Variants in KCNU1 observed in about 807,000 individuals in gnomAD.
KCNU1 encodes the protein potassium calcium-activated channel subfamily U member 1.
KCNU1 carries 93 observed loss-of-function variants against 126.8 expected under a neutral mutation model. The observed-to-expected ratio is 0.73, with a 90% CI of 0.62 to 0.87. KCNU1 has a LOEUF of 0.87. Among genes scored for constraint, KCNU1 ranks in the 40% least tolerant of loss-of-function variants. The probability of loss-of-function intolerance (pLI) is 0.00; values close to 1 mark genes in which losing one functional copy is unlikely to be tolerated. For missense variants in KCNU1, 1,330 were observed against 1,367.1 expected (o/e 0.97, Z 0.43); for synonymous variants, 523 against 494.2 (o/e 1.06, Z -0.77).
chr8:36,911,974 T>G (rs1260794299), intron 22 of KCNU1, among the ~76,000 whole-genome samples: 3 of 152,208 alleles, frequency 2.0e-5, no homozygotes, highest in Non-Finnish European at 1.5e-5. Context: ...AATCTAAAAG[T>G]ACTATTACTG....
chr8:36,803,802 T>C (rs1033519438), intron 2 of KCNU1, among the ~76,000 whole-genome samples: 9 of 152,112 alleles, frequency 5.9e-5, no homozygotes, highest in Non-Finnish European at 1.2e-4. Context: ...ATTAGATAAG[T>C]AAAATGGGTA....
chr8:36,921,711 ATC>A (rs1183838728), intron 23 of KCNU1, among the ~76,000 whole-genome samples: 3 of 151,380 alleles, frequency 2.0e-5, no homozygotes, highest in Non-Finnish European at 2.9e-5. Context: ...CAGCCTGTGC[ATC>A]TCTTCTCACG....
At chr8:36,919,021 T>G in intron 23 of KCNU1, 124 bp downstream of exon 23, 1 of 676,216 alleles carries the variant, frequency 1.5e-6, no homozygotes. Context: ...CTCAGAGCTT[T>G]AAGTGCTTGC....
chr8:36,928,136 G>A (rs771451969), intron 24 of KCNU1, among the ~76,000 whole-genome samples: 17 of 151,974 alleles, frequency 1.1e-4, no homozygotes, highest in African/African-American at 3.6e-4. Flanking sequence ...ACAGAACATG[G>A]GTGACATGTA....
At chr8:36,933,066 C>T (rs756719443) in intron 26 of KCNU1, 34 bp downstream of exon 26, 7 of 1,256,434 alleles carry the variant, frequency 5.6e-6, no homozygotes, top group Non-Finnish European at 3.4e-6. Flanking sequence ...ACCATCCACC[C>T]ATTCAAGCAT....
chr8:36,869,466 C>T (rs1012144683), intron 19 of KCNU1, among the ~76,000 whole-genome samples: 2 of 152,100 alleles, frequency 1.3e-5, no homozygotes, highest in African/African-American at 4.8e-5. Context: ...TCAACTTCAT[C>T]TCCATCCTCT....
chr8:36,896,803 A>G (rs1477623040), intron 19 of KCNU1, among the ~76,000 whole-genome samples: 1 of 152,102 alleles, frequency 6.6e-6, no homozygotes, highest in Non-Finnish European at 1.5e-5. Context: ...GAAAGAGATT[A>G]TAGGAAAACA....
At chr8:36,806,137 T>G in intron 4 of KCNU1, 132 bp from the exon 5 acceptor site, 1 of 573,352 alleles carries the variant, frequency 1.7e-6, no homozygotes, top group Middle Eastern at 3.6e-4. Context: ...TATATGTGTC[T>G]GTGTATATGT....
intron 2 of KCNU1, among the ~76,000 whole-genome samples, chr8:36,796,316 G>C (rs16885408): frequency 0.24 from 37,132 of 151,982 alleles, 5,448 homozygotes; most frequent in African/African-American, 0.4. Context: ...TTGTTGCCTA[G>C]TACATGATCA....
Position 36,814,344 on chromosome 8 carries a change from G to A in KCNU1, c.870G>A (p.Arg290=), listed in dbSNP as rs757323870. ...GDVVAKTSLG[R]TFIMFFTLGS... ...TGGTAGCCAAGACATCCTTAGGACG[G>A]ACCTTCATCATGTTCTTCACACTGG... is the stretch of plus-strand genomic sequence containing the variant. The change falls in exon 8 of 27, where the codon CGG becomes CGA. Residue 290 remains arginine (R), a synonymous_variant. Transcript: ENST00000399881. 1.2e-5 allele frequency: 19 copies of A among 1,612,346 alleles called. No individual in the cohort carries two copies. The highest frequency in any genetic ancestry group is 1.7e-5 in the Admixed American group (1 of 59,886).
chr8:36,811,481 A>C (rs1052802424), intron 7 of KCNU1, among the ~76,000 whole-genome samples: 4 of 152,182 alleles, frequency 2.6e-5, no homozygotes, highest in Non-Finnish European at 5.9e-5. Flanking sequence ...TAAAGTTTGC[A>C]TAAAAGAAAG....
At chr8:36,807,647 C>T (rs996634569) in intron 6 of KCNU1, among the ~76,000 whole-genome samples, 197 bp downstream of exon 6, 3 of 151,158 alleles carry the variant, frequency 2.0e-5, no homozygotes, top group Non-Finnish European at 4.4e-5. Context: ...ACTTTGCAAT[C>T]ATTTTAAAGA....
intron 19 of KCNU1, among the ~76,000 whole-genome samples, chr8:36,892,587 A>G (rs1446091165): frequency 6.7e-6 from 1 of 148,956 alleles, no homozygotes; most frequent in East Asian, 2.0e-4. Flanking sequence ...ATATTATATG[A>G]CAACTCTACA....
At chr8:36,896,585 T>C (rs1409009446) in intron 19 of KCNU1, among the ~76,000 whole-genome samples, 1 of 152,048 alleles carries the variant, frequency 6.6e-6, no homozygotes, top group Non-Finnish European at 1.5e-5. Context: ...AATGCGATGA[T>C]CTTTAAGACA....
intron 10 of KCNU1, among the ~76,000 whole-genome samples, chr8:36,821,322 G>A (rs77644276): frequency 0.045 from 6,812 of 152,202 alleles, 207 homozygotes; most frequent in Non-Finnish European, 0.063. Context: ...AATTTCTGTA[G>A]ACCCGTGATT....
chr8:36,812,960 C>T (rs1803777636), intron 7 of KCNU1, among the ~76,000 whole-genome samples: 2 of 152,116 alleles, frequency 1.3e-5, no homozygotes, highest in Non-Finnish European at 2.9e-5. Context: ...TATTGAATCC[C>T]TGTACTACAA....
chr8:36,821,227 G>A (rs559344838), intron 10 of KCNU1, among the ~76,000 whole-genome samples: 5 of 152,222 alleles, frequency 3.3e-5, no homozygotes, highest in African/African-American at 1.2e-4. Context: ...AAAGAATTAC[G>A]GACAGTAGAT....
At position 36,886,481 on chromosome 8, in the gene KCNU1, G is replaced by A. The variant is rs142084235; in HGVS notation, c.2010-19227G>A. On this transcript the variant is annotated intron_variant, in intron 19 of 26. Coordinates refer to ENST00000399881, the MANE Select transcript of KCNU1 (RefSeq NM_001031836.3). ...AGGTGGCCATCCCACAAGCCGGGAA[G>A]TGTGCCTCCAGAAAAAAACAGAAAC... Among the ~76,000 whole-genome samples, 4 of 152,308 alleles carry A rather than the reference G, an allele frequency of 2.6e-5. No individual in the cohort carries two copies. The East Asian group carries it at 7.7e-4, about 29-fold the overall frequency.
chr8:36,901,244 C>T (rs1478035664), intron 19 of KCNU1, among the ~76,000 whole-genome samples: 2 of 152,092 alleles, frequency 1.3e-5, no homozygotes, highest in African/African-American at 4.8e-5. Flanking sequence ...CCTGAACTAG[C>T]ACAGTGAAAC....
Sources: allele counts gnomAD v4.1 joint callset (sites outside exome capture counted in the v4.1 genomes callset), GRCh38; gene constraint gnomAD v4.1.1; transcripts MANE v1.5; gene names NCBI Gene and HGNC (gene_info 2026-07-23, HGNC 2026-07-21).